NCALD: variants seen among roughly 807,000 people sequenced by gnomAD.
NCALD encodes the protein neurocalcin-delta.
A neutral mutation model predicts 18.6 loss-of-function variants in NCALD; 10 were observed. The ratio of observed to expected loss-of-function variants is 0.54; its 90% confidence interval spans 0.33 to 0.91. NCALD has a LOEUF of 0.91. Among genes scored for constraint, NCALD ranks in the 40% least tolerant of loss-of-function variants. The pLI, the probability that NCALD is intolerant of heterozygous loss-of-function variation, is 0.03. For synonymous variants in NCALD, 88 were observed against 87.4 expected (o/e 1.01, Z -0.04); for missense variants, 184 against 247.6 (o/e 0.74, Z 1.72).
chr8:101,873,707 A>G (rs1698384150), intron 4 of NCALD, among the ~76,000 whole-genome samples: 1 of 152,230 alleles, frequency 6.6e-6, no homozygotes, highest in Non-Finnish European at 1.5e-5. Context: ...AGAATGGGAC[A>G]TGATGTCAGT....
chr8:101,977,424 T>C (rs922920634), intron 2 of NCALD, among the ~76,000 whole-genome samples: 2 of 146,318 alleles, frequency 1.4e-5, no homozygotes, highest in African/African-American at 5.4e-5. Flanking sequence ...TAGGACATTT[T>C]TGTGGGAATT....
At chr8:101,694,307 TGA>T (rs2130006599) in intron 2 of NCALD, 1 of 152,134 alleles carries the variant, frequency 6.6e-6, no homozygotes, top group East Asian at 1.9e-4. Context: ...ATGGGAAAGG[TGA>T]GAGCAGAAAA....
chr8:101,852,943 G>C (rs1815157725), intron 4 of NCALD, among the ~76,000 whole-genome samples: 1 of 152,066 alleles, frequency 6.6e-6, no homozygotes, highest in Non-Finnish European at 1.5e-5. Flanking sequence ...TACATTTGCA[G>C]GCCAGTCGAC....
intron 1 of NCALD, among the ~76,000 whole-genome samples, chr8:101,744,235 AG>A (rs930676578): frequency 1.6e-4 from 25 of 152,304 alleles, no homozygotes; most frequent in Non-Finnish European, 3.7e-4. Flanking sequence ...TACTGCAGGC[AG>A]GGAAGCACAG....
intron 4 of NCALD, among the ~76,000 whole-genome samples, chr8:101,877,901 T>C (rs558225916): frequency 2.6e-5 from 4 of 152,366 alleles, no homozygotes; most frequent in East Asian, 3.9e-4. Context: ...GACTCCAGAA[T>C]GTACCCTTAG....
intron 1 of NCALD, among the ~76,000 whole-genome samples, chr8:101,768,136 C>G (rs1213243711): frequency 1.3e-5 from 2 of 152,166 alleles, no homozygotes; most frequent in Non-Finnish European, 2.9e-5. Flanking sequence ...AGCCCTGTTA[C>G]CTATAAACTC....
At chr8:101,822,140 C>A (rs1392698757) in intron 4 of NCALD, among the ~76,000 whole-genome samples, 1 of 152,106 alleles carries the variant, frequency 6.6e-6, no homozygotes, top group African/African-American at 2.4e-5. Context: ...GCCTTCCTTC[C>A]AAAACCTTCT....
At chr8:102,038,886 C>T (rs1012686485) in intron 1 of NCALD, among the ~76,000 whole-genome samples, 3 of 152,118 alleles carry the variant, frequency 2.0e-5, no homozygotes, top group Non-Finnish European at 4.4e-5. Flanking sequence ...TACTAGCCAA[C>T]TAGAGAGGGA....
At chr8:102,036,584 G>A (rs1035486811) in intron 1 of NCALD, among the ~76,000 whole-genome samples, 5 of 152,034 alleles carry the variant, frequency 3.3e-5, no homozygotes, top group African/African-American at 1.2e-4. Flanking sequence ...AGACCAGCTT[G>A]GCTAACATGG....
intron 1 of NCALD, among the ~76,000 whole-genome samples, chr8:102,078,018 G>C (rs1445562075): frequency 6.6e-6 from 1 of 152,076 alleles, no homozygotes; most frequent in East Asian, 1.9e-4. Flanking sequence ...GATTCATTTG[G>C]AGACCAGGTA....
At chr8:101,743,759 A>T (rs1810311332) in intron 1 of NCALD, among the ~76,000 whole-genome samples, 5 of 152,314 alleles carry the variant, frequency 3.3e-5, no homozygotes, top group South Asian at 4.1e-4. Flanking sequence ...ATCAGAATCG[A>T]ATTATAAAAA....
chr8:101,795,886 T>C (rs1002189218), upstream of NCALD, among the ~76,000 whole-genome samples: 1 of 152,106 alleles, frequency 6.6e-6, no homozygotes, highest in Non-Finnish European at 1.5e-5. Flanking sequence ...ATTCCAACAA[T>C]CTGTACCGTT....
chr8:101,899,426 T>C (rs1817334779), intron 3 of NCALD, among the ~76,000 whole-genome samples: 3 of 152,034 alleles, frequency 2.0e-5, no homozygotes, highest in Non-Finnish European at 4.4e-5. Flanking sequence ...TTCAGTACTA[T>C]ATTGAATAGG....
chr8:101,794,841 GC>G (rs1309168065), upstream of NCALD, among the ~76,000 whole-genome samples: 1 of 152,112 alleles, frequency 6.6e-6, no homozygotes, highest in Non-Finnish European at 1.5e-5. Flanking sequence ...CATTTGATAT[GC>G]TTTTAGAAAA....
chr8:101,910,006 T>C (rs1333322972), intron 3 of NCALD, among the ~76,000 whole-genome samples: 1 of 152,020 alleles, frequency 6.6e-6, no homozygotes, highest in Admixed American at 6.5e-5. Context: ...TGGGAGTGCA[T>C]TATTTTGGGT....
intron 1 of NCALD, among the ~76,000 whole-genome samples, chr8:102,088,940 G>A (rs1215315161): frequency 6.6e-6 from 1 of 152,172 alleles, no homozygotes; most frequent in African/African-American, 2.4e-5. Flanking sequence ...TTGGGGATGG[G>A]CTGATTCCCT....
rs148575319 is a variant in NCALD, at chr8:101,698,392, C to G, written c.379-5496G>C. 4.6e-3 allele frequency among the ~76,000 whole-genome samples: 695 copies of G among 152,252 alleles called. 1 individual carries two copies. Among genetic ancestry groups the G allele is most frequent in the Non-Finnish European group, 6.9e-3 (467 of 68,010 alleles). On this transcript the variant is annotated intron_variant, in intron 2 of 3. Transcript: ENST00000220931. ...TTTAAAGATTCAATGTTATTCCCAT[C>G]AAACTACCATTGACATTCTTCATAG...
rs535397656 is a variant in NCALD at position 101,928,444 on chromosome 8, C to T, written c.-156-12586G>A. Among the ~76,000 whole-genome samples the T allele has an allele frequency of 6.1e-3, 931 of 152,120 alleles. 6 individuals carry two copies. The highest frequency in any genetic ancestry group is 0.02 in the African/African-American group (817 of 41,488). On this transcript the variant is annotated intron_variant, in intron 2 of 6. Coordinates refer to the NCALD transcript ENST00000311028. Reference sequence around the variant, plus strand: ...AAAATGAAACCTTTAAAACATACACCTCTTTGGATGATAATTTTTCAACTT... The same window carrying T: ...AAAATGAAACCTTTAAAACATACACTTCTTTGGATGATAATTTTTCAACTT...
chr8:101,964,256 C>A (rs1411675663), intron 2 of NCALD, among the ~76,000 whole-genome samples: 1 of 152,186 alleles, frequency 6.6e-6, no homozygotes, highest in Non-Finnish European at 1.5e-5. Context: ...TATTAATCTA[C>A]TTTCTTTGCA....
Sources: gnomAD v4.1 joint callset for allele counts (sites outside exome capture counted in the v4.1 genomes callset) on GRCh38, gnomAD v4.1.1 for gene constraint, MANE v1.5 for transcripts, NCBI Gene and HGNC (gene_info 2026-07-23, HGNC 2026-07-21) for gene names.